The following EHMT1 variants were observed in gnomAD, a reference collection of about 807,000 sequenced individuals.
EHMT1 encodes the protein euchromatic histone lysine methyltransferase 1, also known as histone-lysine N-methyltransferase EHMT1.
A neutral mutation model predicts 147.2 loss-of-function variants in EHMT1; 15 were observed. That is an observed-to-expected ratio of 0.10 (90% CI 0.07 to 0.16). The LOEUF (loss-of-function observed/expected upper bound fraction) is 0.16. EHMT1 is among the 10% of genes least tolerant of loss of function. EHMT1 has a pLI of 1.00. For missense variants in EHMT1, 1,587 were observed against 1,772.4 expected (o/e 0.90, Z 1.88); for synonymous variants, 795 against 709.6 (o/e 1.12, Z -1.91).
chr9:137,626,230 T>A (rs1406386448), intron 1 of EHMT1, among the ~76,000 whole-genome samples: 1 of 151,910 alleles, frequency 6.6e-6, no homozygotes, highest in Non-Finnish European at 1.5e-5. Flanking sequence ...TGTTCTTGTT[T>A]TATATATATA....
At chr9:137,725,449 C>A (rs1221607410) in intron 3 of EHMT1, among the ~76,000 whole-genome samples, 1 of 152,084 alleles carries the variant, frequency 6.6e-6, no homozygotes, top group Admixed American at 6.5e-5. Flanking sequence ...TAAGGGCATC[C>A]CAGAGGTGGA....
At chr9:137,671,520 C>CTTTTTTTTTTT (rs71493689) in intron 1 of EHMT1, among the ~76,000 whole-genome samples, 12 of 105,316 alleles carry the variant, frequency 1.1e-4, no homozygotes, top group Admixed American at 2.2e-4. Context: ...CCTTTTCTTT[C>CTTTTTTTTTTT]TTTTTTTTTT....
Position 137,832,249 on chromosome 9 carries a change from C to G in EHMT1, c.3541-2100C>G, listed in dbSNP as rs371599784. Among the ~76,000 whole-genome samples the G allele has an allele frequency of 1.1e-4, 16 of 150,744 alleles. No individual in the cohort carries two copies. In the East Asian group the frequency reaches 3.2e-3, roughly 30 times the overall value. On this transcript the variant is annotated intron_variant, in intron 25 of 26. Coordinates refer to ENST00000460843, the MANE Select transcript of EHMT1 (RefSeq NM_024757.5). ...GCCTTCATTCCAGTCCTAGGATTGG[C>G]TGGGCTCCCTCCTCAGGCCCCGCTT...
intron 1 of EHMT1, among the ~76,000 whole-genome samples, chr9:137,707,221 G>C (rs1944342460): frequency 6.6e-6 from 1 of 152,258 alleles, no homozygotes; most frequent in Admixed American, 6.5e-5. Flanking sequence ...TGGCAGCGCT[G>C]CTTGGGGGGG....
At chr9:137,693,463 C>T (rs1381077977) in intron 1 of EHMT1, among the ~76,000 whole-genome samples, 1 of 152,070 alleles carries the variant, frequency 6.6e-6, no homozygotes, top group African/African-American at 2.4e-5. Context: ...GTTAAGAAAC[C>T]AAGGTTACGC....
intron 1 of EHMT1, chr9:137,676,517 C>T (rs1941340370): frequency 6.6e-6 from 1 of 152,296 alleles, no homozygotes; most frequent in African/African-American, 2.4e-5. Flanking sequence ...AGGTGTGTAC[C>T]ACCACACCCG....
chr9:137,770,590 G>GT (rs1950528392), intron 10 of EHMT1, among the ~76,000 whole-genome samples: 2 of 152,168 alleles, frequency 1.3e-5, no homozygotes, highest in African/African-American at 4.8e-5. Flanking sequence ...GTATCCCGTT[G>GT]GACACCAGAT....
intron 17 of EHMT1, 133 bp from the exon 18 acceptor site, chr9:137,800,747 C>T: frequency 1.4e-6 from 1 of 727,620 alleles, no homozygotes; most frequent in Non-Finnish European, 2.4e-6. Context: ...AGGTTGCATT[C>T]AGGTCCTGAG....
intron 1 of EHMT1, chr9:137,641,145 C>G: frequency 2.5e-6 from 1 of 402,860 alleles, no homozygotes; most frequent in Non-Finnish European, 4.8e-6. Context: ...TTGCTGACCT[C>G]TCCTAACTCA....
intron 1 of EHMT1, among the ~76,000 whole-genome samples, chr9:137,696,882 C>T (rs1458803791): frequency 6.6e-6 from 1 of 152,138 alleles, no homozygotes; most frequent in African/African-American, 2.4e-5. Context: ...CGTCTTCCTT[C>T]CTTTCCTCCT....
intron 14 of EHMT1, among the ~76,000 whole-genome samples, chr9:137,780,003 GA>G (rs1407974424): frequency 1.3e-5 from 2 of 152,244 alleles, no homozygotes; most frequent in Admixed American, 6.5e-5. Context: ...AGAGATTAAG[GA>G]AAAGCAAAAC....
chr9:137,835,610 C>T lies in EHMT1; in HGVS notation c.*657C>T, dbSNP rs781253269. On this transcript the variant is annotated 3_prime_UTR_variant, in exon 27 of 27. Coordinates refer to ENST00000460843, the MANE Select transcript of EHMT1 (RefSeq NM_024757.5). ...AGGAAGTGGCTTGGTGGGTGCAGCC[C>T]CCGCCGGTTCCGTTGACGCTGGCAC... The T allele has an allele frequency of 6.6e-6, 1 of 152,632 alleles. No individual in the cohort carries two copies. Among genetic ancestry groups the T allele is most frequent in the Admixed American group, 6.5e-5 (1 of 15,270 alleles). The allele number at this position is 152,632 out of a possible 1,614,324, so 9.5% of individuals were successfully genotyped here.
chr9:137,747,947 A>G (rs1239143085), intron 6 of EHMT1: 1 of 152,038 alleles, frequency 6.6e-6, no homozygotes, highest in Non-Finnish European at 1.5e-5. Flanking sequence ...TTCTTTCTAT[A>G]AATGGAATTA....
At chr9:137,822,958 T>G (rs1473687983) in intron 25 of EHMT1, among the ~76,000 whole-genome samples, 1 of 151,894 alleles carries the variant, frequency 6.6e-6, no homozygotes, top group African/African-American at 2.4e-5. Context: ...GAGATGGAGT[T>G]TCGCTCTTGT....
chr9:137,737,661 G>A (rs1947657645), intron 4 of EHMT1, among the ~76,000 whole-genome samples: 1 of 152,182 alleles, frequency 6.6e-6, no homozygotes, highest in African/African-American at 2.4e-5. Context: ...GACACACTGG[G>A]TTTGATGAGA....
At chr9:137,642,546 TTTTA>T (rs1351922774) in intron 1 of EHMT1, among the ~76,000 whole-genome samples, 4 of 152,234 alleles carry the variant, frequency 2.6e-5, no homozygotes, top group East Asian at 1.9e-4. Flanking sequence ...TGACTGTATT[TTTTA>T]TTTGTTTTCT....
At position 137,638,832 on chromosome 9, in the gene EHMT1, GATGCTTC is replaced by G. The variant is rs540298296; in HGVS notation, c.21+19784_21+19790del. ...GGGAGAAGTGGCGCATGACTGGGGT[GATGCTTC>G]CATAAGCCAAGGAGTGTCAGGGACG... On this transcript the variant is annotated intron_variant, in intron 1 of 26. Coordinates refer to ENST00000460843, the MANE Select transcript of EHMT1 (RefSeq NM_024757.5). Among the ~76,000 whole-genome samples the G allele has an allele frequency of 1.5e-4, 23 of 152,222 alleles. No homozygotes were observed. In the East Asian group the frequency reaches 3.5e-3, roughly 23 times the overall value.
At chr9:137,812,973 A>C in intron 19 of EHMT1, 33 bp from the exon 20 acceptor site, 1 of 1,613,292 alleles carries the variant, frequency 6.2e-7, no homozygotes. Flanking sequence ...AGTCAGCTTT[A>C]AATGTTTTGT....
chr9:137,727,572 G>GT (rs1326281237), intron 3 of EHMT1, among the ~76,000 whole-genome samples: 1 of 152,138 alleles, frequency 6.6e-6, no homozygotes, highest in Admixed American at 6.5e-5. Context: ...TTTTTACTGT[G>GT]TATTTTTACT....
Sources: allele counts gnomAD v4.1 joint callset (sites outside exome capture counted in the v4.1 genomes callset), GRCh38; gene constraint gnomAD v4.1.1; transcripts MANE v1.5; gene names NCBI Gene and HGNC (gene_info 2026-07-23, HGNC 2026-07-21).